ATP2C1: variants seen among roughly 807,000 people sequenced by gnomAD.
ATP2C1 encodes ATPase secretory pathway Ca2+ transporting 1.
A neutral mutation model predicts 120.5 loss-of-function variants in ATP2C1; 31 were observed. The observed-to-expected ratio is 0.26, with a 90% CI of 0.19 to 0.35. ATP2C1 has a LOEUF of 0.35. Among genes scored for constraint, ATP2C1 ranks in the 10% least tolerant of loss-of-function variants. The probability of loss-of-function intolerance (pLI) is 1.00; values close to 1 mark genes in which losing one functional copy is unlikely to be tolerated. For synonymous variants in ATP2C1, 351 were observed against 358.7 expected, an observed-to-expected ratio of 0.98 and a Z score of 0.24; for missense variants, 731 against 1,107.5, an observed-to-expected ratio of 0.66 and a Z score of 4.83.
At chr3:130,961,885 T>C (rs946649071) in intron 12 of ATP2C1, among the ~76,000 whole-genome samples, 2 of 152,038 alleles carry the variant, frequency 1.3e-5, no homozygotes, top group Non-Finnish European at 2.9e-5. Context: ...ATTAATAATA[T>C]AAGTGAAATC....
At chr3:130,897,038 G>A (rs1250638984) in intron 2 of ATP2C1, among the ~76,000 whole-genome samples, 1 of 152,346 alleles carries the variant, frequency 6.6e-6, no homozygotes, top group African/African-American at 2.4e-5. Context: ...CACATAGTAA[G>A]TGCTCGGTAA....
intron 12 of ATP2C1, 106 bp from the exon 13 acceptor site, chr3:130,963,865 C>T: frequency 1.5e-6 from 2 of 1,352,966 alleles, no homozygotes; most frequent in Non-Finnish European, 2.1e-6. Flanking sequence ...TAGGTATTGA[C>T]TATATTAATT....
chr3:131,016,315 C>G, exon 27 of ATP2C1: 1 of 1,614,168 alleles, frequency 6.2e-7, no homozygotes, highest in Non-Finnish European at 8.5e-7. Context: ...CATCTTAGCA[C>G]CATCTTCCTG....
chr3:130,860,777 CT>C (rs1330409770), intron 1 of ATP2C1, among the ~76,000 whole-genome samples: 1 of 152,080 alleles, frequency 6.6e-6, no homozygotes, highest in Non-Finnish European at 1.5e-5. Context: ...TTTTTCCTTC[CT>C]TTTTTCCTTG....
chr3:130,873,272 C>G (rs770998013), intron 1 of ATP2C1, among the ~76,000 whole-genome samples: 20 of 152,176 alleles, frequency 1.3e-4, no homozygotes, highest in Admixed American at 6.5e-4. Flanking sequence ...ATACCCAAGC[C>G]AAGATGGGTA....
chr3:130,900,536 A>T (rs554994647), intron 2 of ATP2C1, among the ~76,000 whole-genome samples: 5 of 152,326 alleles, frequency 3.3e-5, no homozygotes, highest in African/African-American at 1.2e-4. Flanking sequence ...ACTCAGAAAT[A>T]ATAAGTGGAA....
intron 3 of ATP2C1, among the ~76,000 whole-genome samples, chr3:130,931,492 G>C (rs1227093007): frequency 6.6e-6 from 1 of 152,008 alleles, no homozygotes; most frequent in Non-Finnish European, 1.5e-5. Context: ...CAGAGAACAA[G>C]GAAGACATTT....
chr3:130,882,843 C>G (rs1031735935), intron 1 of ATP2C1, among the ~76,000 whole-genome samples: 2 of 152,098 alleles, frequency 1.3e-5, no homozygotes, highest in Non-Finnish European at 2.9e-5. Context: ...TTCTTTGTAT[C>G]AGGGTAACAC....
chr3:130,964,080 A>G lies in ATP2C1; in HGVS notation c.1009A>G (p.Ile337Val), dbSNP rs769139552. The G allele has an allele frequency of 2.0e-5, 32 of 1,612,418 alleles. No homozygotes were observed. The highest frequency in any genetic ancestry group is 1.6e-4 in the East Asian group (7 of 44,852). The change falls in exon 13 of 28, where the codon ATT becomes GTT. Residue 337 changes from isoleucine to valine, a missense_variant. By Grantham distance (29) the Ile-to-Val change is conservative (BLOSUM62 3). Coordinates refer to ENST00000510168, the MANE Select transcript of ATP2C1 (RefSeq NM_001378687.1). ...KKRAIVKKLP[I>V]VETLGCCNVI... ...AAGGGCCATTGTGAAAAAGCTGCCT[A>G]TTGTTGAAACTCTGGGTAAGTCTGT...
At chr3:130,983,103 T>G (rs1052970005) in intron 20 of ATP2C1, among the ~76,000 whole-genome samples, 1 of 152,166 alleles carries the variant, frequency 6.6e-6, no homozygotes, top group African/African-American at 2.4e-5. Context: ...TGCATATATA[T>G]ATATAGAGAG....
intron 1 of ATP2C1, among the ~76,000 whole-genome samples, chr3:130,877,956 C>T (rs532395325): frequency 7.6e-4 from 115 of 151,820 alleles, no homozygotes; most frequent in African/African-American, 2.5e-3. Context: ...TATTATGTAG[C>T]CATAAAAAAG....
chr3:130,931,774 C>G (rs1025380182), intron 3 of ATP2C1, among the ~76,000 whole-genome samples: 2 of 152,036 alleles, frequency 1.3e-5, no homozygotes, highest in Non-Finnish European at 2.9e-5. Flanking sequence ...AATGTAATCA[C>G]CACCACCATT....
intron 20 of ATP2C1, among the ~76,000 whole-genome samples, chr3:130,989,860 G>A (rs1353783385): frequency 6.6e-6 from 1 of 152,180 alleles, no homozygotes; most frequent in African/African-American, 2.4e-5. Context: ...GCAGTAATTA[G>A]AGTTTTCACT....
intron 1 of ATP2C1, among the ~76,000 whole-genome samples, chr3:130,855,010 A>C (rs981828002): frequency 1.3e-5 from 2 of 152,110 alleles, no homozygotes; most frequent in African/African-American, 2.4e-5. Flanking sequence ...TCAAACCAGA[A>C]ACCTGGGAGT....
Position 130,964,067 on chromosome 3 carries a change from GA to G in ATP2C1, c.1001del (p.Lys334SerfsTer13). 6.2e-7 allele frequency: 1 copy of G among 1,612,532 alleles called. No homozygotes were observed. Among genetic ancestry groups the G allele is most frequent in the Non-Finnish European group, 8.5e-7 (1 of 1,178,812 alleles). ...MRMVKKRAIV[K>X]KLPIVETLGC... ...GAATGGTGAAGAAAAGGGCCATTGT[GA>G]AAAAGCTGCCTATTGTTGAAACTCT... On this transcript the variant is annotated frameshift_variant, in exon 13 of 28. Coordinates refer to ENST00000510168, the MANE Select transcript of ATP2C1 (RefSeq NM_001378687.1). LOFTEE classifies it high-confidence loss of function.
At chr3:130,959,465 A>G (rs1041425743) in intron 12 of ATP2C1, 124 bp downstream of exon 12, 2 of 638,036 alleles carry the variant, frequency 3.1e-6, no homozygotes, top group Admixed American at 5.2e-5. Context: ...ACATCGCTAC[A>G]TAAATAGTTC....
At position 130,997,734 on chromosome 3, in the gene ATP2C1, T is replaced by G; in HGVS notation, c.2372T>G (p.Leu791Trp). ...VSSIIIVCGT[L>W]FVFWRELRDN... ...TCAATAATCATTGTTTGTGGGACTT[T>G]GTTTGTCTTCTGGCGTGAGGTATAT... Residue 791 changes from leucine to tryptophan, a missense_variant, in exon 25 of 28, where the codon TTG becomes TGG. Coordinates refer to ENST00000510168, the MANE Select transcript of ATP2C1 (RefSeq NM_001378687.1). 1.2e-6 allele frequency: 2 copies of G among 1,613,662 alleles called. No individual in the cohort carries two copies. Among genetic ancestry groups the G allele is most frequent in the South Asian group, 2.2e-5 (2 of 91,078 alleles).
chr3:130,968,736 A>C (rs2061160884), intron 16 of ATP2C1, among the ~76,000 whole-genome samples: 1 of 152,204 alleles, frequency 6.6e-6, no homozygotes, highest in Non-Finnish European at 1.5e-5. Context: ...TGAGTAGTTT[A>C]AACATTTTTG....
At chr3:130,864,385 G>T (rs1172705136) in intron 1 of ATP2C1, among the ~76,000 whole-genome samples, 1 of 152,232 alleles carries the variant, frequency 6.6e-6, no homozygotes, top group Non-Finnish European at 1.5e-5. Flanking sequence ...AAGGGAAGCA[G>T]AGCATAAAAG....
Sources: gnomAD v4.1 joint callset for allele counts (sites outside exome capture counted in the v4.1 genomes callset) on GRCh38, gnomAD v4.1.1 for gene constraint, MANE v1.5 for transcripts, NCBI Gene and HGNC (gene_info 2026-07-23, HGNC 2026-07-21) for gene names.